The following CCDC7 variants were observed in gnomAD, a reference collection of about 807,000 sequenced individuals.
CCDC7 encodes coiled-coil domain containing 7, also known as coiled-coil domain-containing protein 7.
A neutral mutation model predicts 196.9 loss-of-function variants in CCDC7; 183 were observed. The ratio of observed to expected loss-of-function variants is 0.93; its 90% CI spans 0.82 to 1.05. The LOEUF is 1.05. Among genes scored for constraint, CCDC7 ranks in the 50% least tolerant of loss-of-function variants. CCDC7 has a pLI of 0.00. For missense variants in CCDC7, 1,540 were observed against 1,482.2 expected (o/e 1.04, Z -0.64); for synonymous variants, 525 against 484.6 (o/e 1.08, Z -1.10).
At chr10:32,676,711 C>T (rs1023632154) in intron 21 of CCDC7, among the ~76,000 whole-genome samples, 1 of 151,914 alleles carries the variant, frequency 6.6e-6, no homozygotes, top group African/African-American at 2.4e-5. Flanking sequence ...ATTAAAAAGT[C>T]AGGAAACAAC....
chr10:32,693,906 T>G (rs1025157607), intron 23 of CCDC7, among the ~76,000 whole-genome samples: 6 of 152,192 alleles, frequency 3.9e-5, no homozygotes, highest in African/African-American at 1.4e-4. Context: ...CTAGGATATG[T>G]TCCAACCAGC....
chr10:32,642,672 A>G (rs2067049494), intron 20 of CCDC7, among the ~76,000 whole-genome samples: 1 of 152,082 alleles, frequency 6.6e-6, no homozygotes, highest in Non-Finnish European at 1.5e-5. Context: ...TCCTGCAACC[A>G]CTGTCTGACA....
chr10:32,705,644 A>G (rs900142238), intron 24 of CCDC7, among the ~76,000 whole-genome samples: 2 of 152,146 alleles, frequency 1.3e-5, no homozygotes, highest in Non-Finnish European at 2.9e-5. Flanking sequence ...AAAATGGAAA[A>G]CAAAAAAAGG....
intron 20 of CCDC7, among the ~76,000 whole-genome samples, chr10:32,661,592 TGATA>T (rs958637238): frequency 1.3e-5 from 2 of 151,972 alleles, no homozygotes; most frequent in Non-Finnish European, 2.9e-5. Flanking sequence ...AGTCAGCAGG[TGATA>T]GATCTTGCCA....
intron 6 of CCDC7, 149 bp from the exon 8 acceptor site, chr10:32,472,332 T>C (rs2038117088): frequency 1.6e-6 from 1 of 630,276 alleles, no homozygotes; most frequent in Non-Finnish European, 2.3e-6. Flanking sequence ...AAGTTTACCT[T>C]AGTGTCTGTG....
At chr10:32,760,635 A>G (rs1005480928) in intron 28 of CCDC7, among the ~76,000 whole-genome samples, 1 of 152,086 alleles carries the variant, frequency 6.6e-6, no homozygotes, top group African/African-American at 2.4e-5. Context: ...TAGGAGATGT[A>G]CCTAATGCTA....
chr10:32,729,334 T>A, exon 28 of CCDC7: 1 of 1,557,552 alleles, frequency 6.4e-7, no homozygotes, highest in Non-Finnish European at 8.7e-7. Flanking sequence ...CTATTTAGCG[T>A]TTCCTTTAGA....
At chr10:32,643,545 C>T (rs1467568360) in intron 20 of CCDC7, among the ~76,000 whole-genome samples, 1 of 151,714 alleles carries the variant, frequency 6.6e-6, no homozygotes, top group African/African-American at 2.4e-5. Flanking sequence ...ATATTTTGAG[C>T]TGCTTTTTGT....
At chr10:32,589,113 T>C (rs1449791511) in intron 18 of CCDC7, among the ~76,000 whole-genome samples, 3 of 152,126 alleles carry the variant, frequency 2.0e-5, no homozygotes, top group Non-Finnish European at 2.9e-5. Flanking sequence ...ATTCATTCTT[T>C]CTGGTTTTGT....
Position 32,517,955 on chromosome 10 carries a change from GA to G in CCDC7, c.884del (p.Asp295ValfsTer5). The G allele has an allele frequency of 6.3e-7, 1 of 1,590,304 alleles. No individual in the cohort carries two copies. Among genetic ancestry groups the G allele is most frequent in the South Asian group, 1.1e-5 (1 of 87,234 alleles). ...TGGTTTATTTTTCAGAGCTGTAAAT[GA>G]TCAAGTTTTGTTAGATGCTGTAAGT... On this transcript the variant is annotated frameshift_variant, in exon 10 of 42. Coordinates refer to ENST00000639629, the Ensembl canonical transcript of CCDC7. LOFTEE classifies it high-confidence loss of function.
intron 31 of CCDC7, among the ~76,000 whole-genome samples, chr10:32,815,422 C>G (rs915379156): frequency 6.6e-6 from 1 of 151,854 alleles, no homozygotes; most frequent in African/African-American, 2.4e-5. Context: ...TTTTAAAGAA[C>G]CAAATTAATA....
chr10:32,760,318 C>T (rs1028290029), intron 28 of CCDC7, among the ~76,000 whole-genome samples: 7 of 152,068 alleles, frequency 4.6e-5, no homozygotes, highest in Admixed American at 1.3e-4. Flanking sequence ...TGGCACTATT[C>T]ACAATAGCAA....
intron 25 of CCDC7, among the ~76,000 whole-genome samples, chr10:32,712,777 A>G (rs11009049): frequency 0.089 from 13,540 of 152,240 alleles, 861 homozygotes; most frequent in East Asian, 0.33. Context: ...CAGCCTCTGT[A>G]ACTGTCACAA....
chr10:32,642,140 A>G (rs553767228), intron 20 of CCDC7, among the ~76,000 whole-genome samples: 73 of 152,262 alleles, frequency 4.8e-4, no homozygotes, highest in African/African-American at 1.6e-3. Context: ...TCAGATCTCA[A>G]ACTCCATGCT....
intron 24 of CCDC7, among the ~76,000 whole-genome samples, chr10:32,695,476 G>A (rs2077592556): frequency 6.6e-6 from 1 of 152,210 alleles, no homozygotes; most frequent in African/African-American, 2.4e-5. Flanking sequence ...TCACCTAAGG[G>A]TAGAGGTCTT....
chr10:32,760,597 G>A (rs944675728), intron 28 of CCDC7, among the ~76,000 whole-genome samples: 1 of 152,068 alleles, frequency 6.6e-6, no homozygotes, highest in Non-Finnish European at 1.5e-5. Flanking sequence ...GCCTGTTGTG[G>A]GGTGGGAGGA....
chr10:32,848,849 C>T (rs192720442), intron 39 of CCDC7, 131 bp downstream of exon 40: 22 of 743,890 alleles, frequency 3.0e-5, no homozygotes, highest in South Asian at 1.3e-4. Flanking sequence ...TTCTTACAAG[C>T]GTAAAAATAA....
At chr10:32,794,715 G>A (rs144117256) in intron 29 of CCDC7, among the ~76,000 whole-genome samples, 6 of 152,128 alleles carry the variant, frequency 3.9e-5, no homozygotes, top group African/African-American at 9.6e-5. Context: ...TCATATATTT[G>A]TTGGTGCATG....
chr10:32,680,966 G>A (rs2075775417), intron 21 of CCDC7, among the ~76,000 whole-genome samples: 1 of 152,158 alleles, frequency 6.6e-6, no homozygotes, highest in Non-Finnish European at 1.5e-5. Flanking sequence ...TTTAGTCATA[G>A]GAACTATTAC....
Sources: allele counts gnomAD v4.1 joint callset (sites outside exome capture counted in the v4.1 genomes callset), GRCh38; gene constraint gnomAD v4.1.1; transcripts MANE v1.5; gene names NCBI Gene and HGNC (gene_info 2026-07-23, HGNC 2026-07-21).